Variants in MAPK10 observed in about 807,000 individuals in gnomAD.
The protein encoded by MAPK10 is JNK3 alpha protein kinase.
MAPK10 carries 25 observed loss-of-function variants against 59.3 expected under a neutral mutation model. That is an observed-to-expected ratio of 0.42 (90% CI 0.31 to 0.59). The LOEUF (loss-of-function observed/expected upper bound fraction) is 0.59. Among genes scored for constraint, MAPK10 ranks in the 20% least tolerant of loss-of-function variants. The pLI, the probability that MAPK10 is intolerant of heterozygous loss-of-function variation, is 0.15. For missense variants in MAPK10, 351 were observed against 568.9 expected (o/e 0.62, Z 3.90); for synonymous variants, 190 against 200.5 (o/e 0.95, Z 0.44).
chr4:86,447,263 C>T (rs1750156587), intron 1 of MAPK10, among the ~76,000 whole-genome samples: 1 of 152,108 alleles, frequency 6.6e-6, no homozygotes, highest in African/African-American at 2.4e-5. Flanking sequence ...TCCCACTTCG[C>T]TTTGCTTTCT....
At position 86,566,495 on chromosome 4, in the gene MAPK10, C is replaced by T. The variant is rs183746948; in HGVS notation, c.-263+27415G>A. Among the ~76,000 whole-genome samples, 480 of 152,188 alleles carry T rather than the reference C, an allele frequency of 3.2e-3. 1 individual carries two copies. Among genetic ancestry groups the T allele is most frequent in the African/African-American group, 0.011 (464 of 41,528 alleles). On this transcript the variant is annotated intron_variant, in intron 1 of 4. Coordinates refer to the MAPK10 transcript ENST00000502302. The stretch of plus-strand genomic sequence containing the variant: ...TTGGGAGGCCGAGGCAGGTGGATCA[C>T]CTGAGGTCAGGAATTCTAGACCAGC...
intron 9 of MAPK10, chr4:86,095,209 T>G (rs1041742540): frequency 2.0e-5 from 3 of 151,736 alleles, no homozygotes; most frequent in Admixed American, 2.0e-4. Flanking sequence ...TGATATCATC[T>G]AGATCATATC....
intron 3 of MAPK10, among the ~76,000 whole-genome samples, chr4:86,174,892 G>A (rs1295956407): frequency 6.6e-6 from 1 of 152,086 alleles, no homozygotes; most frequent in Non-Finnish European, 1.5e-5. Flanking sequence ...CAAAGCTCCT[G>A]ACCTCATGGA....
intron 1 of MAPK10, among the ~76,000 whole-genome samples, chr4:86,494,890 A>C (rs888231539): frequency 7.7e-6 from 1 of 130,076 alleles, no homozygotes; most frequent in South Asian, 2.6e-4. Flanking sequence ...AGCTTCACAT[A>C]TTTTATGTAT....
At chr4:86,069,964 A>G (rs1031868315) in intron 9 of MAPK10, among the ~76,000 whole-genome samples, 1 of 152,182 alleles carries the variant, frequency 6.6e-6, no homozygotes, top group Non-Finnish European at 1.5e-5. Context: ...GATATTCTGG[A>G]ATTTGTTAAA....
intron 1 of MAPK10, among the ~76,000 whole-genome samples, chr4:86,503,948 C>T (rs919708787): frequency 1.3e-5 from 2 of 152,046 alleles, no homozygotes; most frequent in Admixed American, 1.3e-4. Context: ...GGGCTTTGTA[C>T]GCATTCCACT....
chr4:86,421,403 C>A (rs1274035862), intron 1 of MAPK10, among the ~76,000 whole-genome samples: 1 of 152,088 alleles, frequency 6.6e-6, no homozygotes, highest in Non-Finnish European at 1.5e-5. Flanking sequence ...GCAAAGACAG[C>A]CATATATCCC....
chr4:86,048,538 G>T (rs1453628381), intron 11 of MAPK10, among the ~76,000 whole-genome samples: 1 of 152,068 alleles, frequency 6.6e-6, no homozygotes, highest in Admixed American at 6.6e-5. Flanking sequence ...CATGTCATTT[G>T]CACTTTTGCC....
intron 2 of MAPK10, among the ~76,000 whole-genome samples, chr4:86,345,108 C>T (rs1401096599): frequency 3.9e-5 from 6 of 152,120 alleles, no homozygotes; most frequent in African/African-American, 1.4e-4. Flanking sequence ...CAGAATTAAG[C>T]TGAAGACAAC....
At position 86,372,564 on chromosome 4, in the gene MAPK10, G is replaced by GAAAGAAAGGA; in HGVS notation, c.-121-17921_-121-17920insTCCTTTCTTT. On this transcript the variant is annotated intron_variant, in intron 1 of 13. Transcript: ENST00000361569. ...AGAAAGAAAGAAAGAAAGAAAGAAA[G>GAAAGAAAGGA]AAAGAAAAGAAAAGAAAAGAAAAGA... Among the ~76,000 whole-genome samples the GAAAGAAAGGA allele has an allele frequency of 2.7e-3, 214 of 78,696 alleles. 4 individuals are homozygous for GAAAGAAAGGA. The highest frequency in any genetic ancestry group is 0.013 in the South Asian group (24 of 1,856). 51.6% of individuals were successfully genotyped at this position (78,696 alleles called of 152,430 possible).
chr4:86,359,263 C>CCTATCTCT (rs1736049812), intron 1 of MAPK10, among the ~76,000 whole-genome samples: 1 of 53,452 alleles, frequency 1.9e-5, no homozygotes, highest in South Asian at 2.0e-3. Flanking sequence ...TTTTTTTTTT[C>CCTATCTCT]CTCTCTCTCT....
In MAPK10 at chr4:86,087,266, T is replaced by G. The variant is rs191644618; in HGVS notation, c.802+11258A>C. Among the ~76,000 whole-genome samples, 715 of 152,278 alleles carry G rather than the reference T, an allele frequency of 4.7e-3. 4 individuals carry two copies. The highest frequency in any genetic ancestry group is 6.1e-3 in the Non-Finnish European group (414 of 68,006). ...TACAGGTGGCAAATATTCATTTTAG[T>G]CACCAATTATTCAACCACAATGAAC... On this transcript the variant is annotated intron_variant, in intron 9 of 13. Coordinates refer to ENST00000641462, the MANE Select transcript of MAPK10 (RefSeq NM_138982.4).
At chr4:86,080,739 G>A (rs778723112) in intron 9 of MAPK10, 6 of 151,774 alleles carry the variant, frequency 4.0e-5, no homozygotes, top group Admixed American at 6.6e-5. Flanking sequence ...ACTGAACATC[G>A]ATAGCATATT....
At chr4:86,120,206 A>G (rs1275594894) in intron 4 of MAPK10, 2 of 152,200 alleles carry the variant, frequency 1.3e-5, no homozygotes, top group Non-Finnish European at 2.9e-5. Context: ...CATTTCACCT[A>G]TGTAACCAAC....
chr4:86,214,660 T>C (rs1235645927), intron 2 of MAPK10, among the ~76,000 whole-genome samples: 2 of 151,802 alleles, frequency 1.3e-5, no homozygotes, highest in Admixed American at 6.6e-5. Context: ...ACATTTCAAA[T>C]TACAATAGCA....
intron 1 of MAPK10, among the ~76,000 whole-genome samples, chr4:86,541,655 T>C (rs538375712): frequency 1.6e-4 from 24 of 152,272 alleles, no homozygotes; most frequent in African/African-American, 4.8e-4. Context: ...CAAGATATGA[T>C]TGTGAATTTC....
intron 1 of MAPK10, among the ~76,000 whole-genome samples, chr4:86,559,272 G>C (rs1356458664): frequency 6.7e-6 from 1 of 149,744 alleles, no homozygotes; most frequent in Non-Finnish European, 1.5e-5. Flanking sequence ...AGGAGATAAG[G>C]CTATCTTTCC....
intron 1 of MAPK10, among the ~76,000 whole-genome samples, chr4:86,372,004 C>T (rs1476535255): frequency 6.6e-6 from 1 of 152,104 alleles, no homozygotes; most frequent in Non-Finnish European, 1.5e-5. Flanking sequence ...ATATTCAGGA[C>T]TTGAACTCAG....
intron 4 of MAPK10, among the ~76,000 whole-genome samples, chr4:86,115,654 T>C (rs1469155987): frequency 6.6e-6 from 1 of 151,888 alleles, no homozygotes; most frequent in East Asian, 1.9e-4. Context: ...AGAGACGGGG[T>C]TTCTCCATGT....
Sources: gnomAD v4.1 joint callset for allele counts (sites outside exome capture counted in the v4.1 genomes callset) on GRCh38, gnomAD v4.1.1 for gene constraint, MANE v1.5 for transcripts, NCBI Gene and HGNC (gene_info 2026-07-23, HGNC 2026-07-21) for gene names.